ST7: variants seen among roughly 807,000 people sequenced by gnomAD.
ST7 encodes the protein suppressor of tumorigenicity 7 protein.
ST7 carries 28 observed loss-of-function variants against 78.7 expected under a neutral mutation model. The observed-to-expected ratio is 0.36, with a 90% CI of 0.26 to 0.49. The LOEUF (loss-of-function observed/expected upper bound fraction) is 0.49, where lower values mean the gene tolerates loss of function less well. ST7 is among the 20% of genes least tolerant of loss of function. ST7 has a pLI of 0.99. For synonymous variants in ST7, 247 were observed against 249.6 expected (o/e 0.99, Z 0.10); for missense variants, 418 against 696.0 (o/e 0.60, Z 4.49).
chr7:116,991,417 G>T (rs1293927169), intron 1 of ST7, among the ~76,000 whole-genome samples: 1 of 152,154 alleles, frequency 6.6e-6, no homozygotes, highest in Admixed American at 6.5e-5. Flanking sequence ...AGAATCATGG[G>T]GGGAGGCAAA....
At chr7:117,081,722 G>A (rs1473484746) in intron 1 of ST7, among the ~76,000 whole-genome samples, 1 of 152,160 alleles carries the variant, frequency 6.6e-6, no homozygotes, top group Non-Finnish European at 1.5e-5. Context: ...TTCATTTCTA[G>A]CTAGCTATTT....
chr7:116,957,531 T>C (rs944334363), intron 1 of ST7, among the ~76,000 whole-genome samples: 3 of 152,144 alleles, frequency 2.0e-5, no homozygotes, highest in Admixed American at 2.0e-4. Context: ...CTGCTCTTGA[T>C]TTGGATACAA....
intron 1 of ST7, among the ~76,000 whole-genome samples, chr7:117,047,816 C>T (rs1217171969): frequency 6.6e-6 from 1 of 152,132 alleles, no homozygotes; most frequent in Non-Finnish European, 1.5e-5. Flanking sequence ...ACAATGACTT[C>T]AGAAATCAGC....
At chr7:117,184,258 A>G (rs1809032593) in intron 10 of ST7, 1 of 148,184 alleles carries the variant, frequency 6.7e-6, no homozygotes, top group African/African-American at 2.5e-5. Flanking sequence ...ATTATGTGAT[A>G]TCTCATTATT....
At chr7:117,156,586 GT>G in intron 9 of ST7, among the ~76,000 whole-genome samples, 1 of 152,314 alleles carries the variant, frequency 6.6e-6, no homozygotes, top group South Asian at 2.1e-4. Context: ...ATAGGATCAT[GT>G]ATGTGGAGAG....
At chr7:117,218,086 C>G (rs1792828045) in intron 13 of ST7, among the ~76,000 whole-genome samples, 2 of 152,134 alleles carry the variant, frequency 1.3e-5, no homozygotes, top group Non-Finnish European at 2.9e-5. Context: ...TGAGAAGGCT[C>G]TGGTAGTTAC....
At chr7:117,023,949 A>C (rs892708374) in intron 1 of ST7, among the ~76,000 whole-genome samples, 1 of 151,994 alleles carries the variant, frequency 6.6e-6, no homozygotes, top group Admixed American at 6.6e-5. Context: ...AGCTGGGACT[A>C]CAGGCATGTG....
intron 1 of ST7, among the ~76,000 whole-genome samples, chr7:116,999,808 CTTTTTT>C (rs71148356): frequency 1.9e-5 from 2 of 104,442 alleles, no homozygotes; most frequent in Admixed American, 1.2e-4. Context: ...AATTTTCTTT[CTTTTTT>C]TTTTTTTTTT....
intron 1 of ST7, chr7:116,972,900 G>T (rs1209515719): frequency 1.5e-6 from 2 of 1,337,888 alleles, no homozygotes; most frequent in Non-Finnish European, 1.1e-6. Context: ...CGATGGTGGT[G>T]ATCCCAGCCA....
At chr7:117,040,409 T>C (rs1797146784) in intron 1 of ST7, among the ~76,000 whole-genome samples, 1 of 151,984 alleles carries the variant, frequency 6.6e-6, no homozygotes, top group Non-Finnish European at 1.5e-5. Flanking sequence ...CTAAATTTTA[T>C]ACACACATAC....
intron 2 of ST7, among the ~76,000 whole-genome samples, chr7:117,103,548 T>G (rs1158576599): frequency 1.3e-5 from 2 of 152,178 alleles, no homozygotes. Flanking sequence ...AATAACCATA[T>G]GTTGAAGAAT....
At chr7:116,976,584 C>G (rs1390436506) in intron 1 of ST7, among the ~76,000 whole-genome samples, 1 of 152,212 alleles carries the variant, frequency 6.6e-6, no homozygotes, top group African/African-American at 2.4e-5. Flanking sequence ...ATAGAACTGA[C>G]TTGCTGTCAT....
intron 2 of ST7, among the ~76,000 whole-genome samples, chr7:117,106,457 G>A (rs1346343423): frequency 6.6e-6 from 1 of 151,664 alleles, no homozygotes; most frequent in Non-Finnish European, 1.5e-5. Context: ...GAAACAGTTG[G>A]TATTTCCTGA....
At chr7:117,228,009 C>T (rs1793559669) in intron 15 of ST7, among the ~76,000 whole-genome samples, 1 of 152,230 alleles carries the variant, frequency 6.6e-6, no homozygotes, top group African/African-American at 2.4e-5. Flanking sequence ...CTTCTTCTAA[C>T]TGTCCTAGCT....
At position 117,170,013 on chromosome 7, in the gene ST7, C is replaced by G. The variant is rs181755427; in HGVS notation, c.964-849C>G. On this transcript the variant is annotated intron_variant, in intron 9 of 15. Coordinates refer to ENST00000323984, the MANE Select transcript of ST7 (RefSeq NM_001369598.1). ...TCACTACCTACAAATTTTCTTTTAA[C>G]CCGTGTCACTTTCTAGTTATTTTTC... 4.6e-5 allele frequency among the ~76,000 whole-genome samples: 7 copies of G among 152,226 alleles called. No individual in the cohort carries two copies. The East Asian group carries it at 1.4e-3, about 29-fold the overall frequency.
intron 9 of ST7, among the ~76,000 whole-genome samples, chr7:117,139,068 T>G (rs1289510347): frequency 6.6e-6 from 1 of 152,140 alleles, no homozygotes; most frequent in East Asian, 1.9e-4. Context: ...CCAGGATTCT[T>G]TATTAGTAGT....
chr7:116,974,144 T>C (rs1029454663), intron 1 of ST7, among the ~76,000 whole-genome samples: 1 of 152,164 alleles, frequency 6.6e-6, no homozygotes, highest in African/African-American at 2.4e-5. Context: ...GTGTCTGCCT[T>C]TCTCCCATAT....
At chr7:117,101,087 C>T (rs768333914) in intron 2 of ST7, among the ~76,000 whole-genome samples, 26 of 152,040 alleles carry the variant, frequency 1.7e-4, no homozygotes, top group Non-Finnish European at 3.1e-4. Flanking sequence ...GTATGGAGGA[C>T]AGAAACCTGC....
At position 117,130,592 on chromosome 7, in the gene ST7, G is replaced by C. The variant is rs149128799; in HGVS notation, c.551G>C (p.Arg184Pro). 6.2e-7 allele frequency: 1 copy of C among 1,609,486 alleles called. No homozygotes were observed. Among genetic ancestry groups the C allele is most frequent in the East Asian group, 2.2e-5 (1 of 44,586 alleles). The change falls in exon 5 of 16, where the codon CGT becomes CCT. Residue 184 changes from arginine to proline, a missense_variant. Physicochemically the swap from Arg to Pro is moderately radical, Grantham distance 103 (BLOSUM62 -2). Coordinates refer to ENST00000323984, the MANE Select transcript of ST7 (RefSeq NM_001369598.1). The part of the protein sequence containing the change: ...TFFTCDSDHL[R>P]PADAIMQKAW... ...TTTACTTGTGACTCGGACCATCTGC[G>C]TCCCGCAGATGCAAGTATGAAAAAT...
Sources: gnomAD v4.1 joint callset for allele counts (sites outside exome capture counted in the v4.1 genomes callset) on GRCh38, gnomAD v4.1.1 for gene constraint, MANE v1.5 for transcripts, NCBI Gene and HGNC (gene_info 2026-07-23, HGNC 2026-07-21) for gene names.